UBE2B: variants seen among roughly 807,000 people sequenced by gnomAD.
The protein encoded by UBE2B is ubiquitin conjugating enzyme E2 B, also known as ubiquitin-conjugating enzyme E2 B.
A neutral mutation model predicts 24.6 loss-of-function variants in UBE2B; 11 were observed. That is an observed-to-expected ratio of 0.45 (90% CI 0.28 to 0.74). The LOEUF (loss-of-function observed/expected upper bound fraction) is 0.74, where lower values mean the gene tolerates loss of function less well. Among genes scored for constraint, UBE2B ranks in the 30% least tolerant of loss-of-function variants. The probability of loss-of-function intolerance (pLI) is 0.13; values close to 1 mark genes in which losing one functional copy is unlikely to be tolerated. For synonymous variants in UBE2B, 68 were observed against 62.4 expected (o/e 1.09, Z -0.42); for missense variants, 78 against 185.6 (o/e 0.42, Z 3.37).
At position 134,388,424 on chromosome 5, in the gene UBE2B, G is replaced by T; in HGVS notation, c.330+11G>T. The T allele has an allele frequency of 6.2e-7, 1 of 1,609,756 alleles. No homozygotes were observed. The highest frequency in any genetic ancestry group is 8.5e-7 in the Non-Finnish European group (1 of 1,176,046). ...TTAACATCAATTCAGGTAAGTGTGTGTTAGGATGTATTATAATTTGTCAGT... is the reference window on the plus strand; with the variant it reads ...TTAACATCAATTCAGGTAAGTGTGTTTTAGGATGTATTATAATTTGTCAGT... On this transcript the variant is annotated intron_variant, in intron 5 of 5. Transcript: ENST00000265339.
intron 1 of UBE2B, among the ~76,000 whole-genome samples, 164 bp from the exon 2 acceptor site, chr5:134,374,219 C>G (rs1402493415): frequency 6.6e-6 from 1 of 152,002 alleles, no homozygotes; most frequent in African/African-American, 2.4e-5. Context: ...GTATATATAC[C>G]TGGTTAATAT....
At chr5:134,374,596 G>GA (rs201082370) in intron 2 of UBE2B, 133 bp downstream of exon 2, 5,403 of 933,914 alleles carry the variant, frequency 5.8e-3, no homozygotes, top group Non-Finnish European at 6.7e-3. Flanking sequence ...AGATAAATTA[G>GA]AAAAAAAAAA....
intron 2 of UBE2B, among the ~76,000 whole-genome samples, chr5:134,376,364 T>TATATGTATAC (rs70976528): frequency 2.5e-5 from 2 of 79,504 alleles, no homozygotes; most frequent in African/African-American, 1.0e-4. Flanking sequence ...TATATATATA[T>TATATGTATAC]ACACATATGT....
At chr5:134,381,916 C>T (rs540364847) in intron 4 of UBE2B, among the ~76,000 whole-genome samples, 1 of 152,210 alleles carries the variant, frequency 6.6e-6, no homozygotes, top group South Asian at 2.1e-4. Context: ...TGCACTTCAG[C>T]CTGGGTGACA....
chr5:134,384,416 T>C (rs966078781), intron 4 of UBE2B, among the ~76,000 whole-genome samples: 1 of 152,160 alleles, frequency 6.6e-6, no homozygotes, highest in Non-Finnish European at 1.5e-5. Context: ...TTTGGGGAAG[T>C]TCCCAGGTCA....
chr5:134,389,766 C>T (rs987047756), intron 5 of UBE2B: 4 of 176,256 alleles, frequency 2.3e-5, no homozygotes, highest in East Asian at 3.0e-4. Flanking sequence ...AGGCTGGTCT[C>T]GAACTCCCTA....
intron 2 of UBE2B, 115 bp from the exon 3 acceptor site, chr5:134,376,554 C>T: frequency 8.8e-7 from 1 of 1,136,620 alleles, no homozygotes; most frequent in Non-Finnish European, 1.3e-6. Context: ...TAAAACTCCA[C>T]AAATCATCAG....
chr5:134,387,837 C>T (rs1283862856), intron 4 of UBE2B, among the ~76,000 whole-genome samples: 2 of 152,070 alleles, frequency 1.3e-5, no homozygotes, highest in Non-Finnish European at 2.9e-5. Flanking sequence ...GGTTCTTACC[C>T]TGTCATCCAG....
At chr5:134,372,183 C>T (rs911236796) in intron 1 of UBE2B, among the ~76,000 whole-genome samples, 2 of 152,210 alleles carry the variant, frequency 1.3e-5, no homozygotes, top group African/African-American at 4.8e-5. Context: ...CCCCCGAAAC[C>T]CGACTCTGTC....
intron 4 of UBE2B, among the ~76,000 whole-genome samples, chr5:134,381,060 G>A (rs762930315): frequency 2.9e-5 from 4 of 138,310 alleles, no homozygotes; most frequent in Non-Finnish European, 4.6e-5. Context: ...TCCGCCTCCC[G>A]GGTTCACGCC....
chr5:134,382,305 T>A (rs1027409867), intron 4 of UBE2B, among the ~76,000 whole-genome samples: 41 of 149,062 alleles, frequency 2.8e-4, no homozygotes, highest in Non-Finnish European at 5.1e-4. Context: ...ACAAAAAAAA[T>A]ATCAAGGCAT....
intron 3 of UBE2B, among the ~76,000 whole-genome samples, chr5:134,377,356 G>A (rs531231046): frequency 2.0e-5 from 3 of 152,234 alleles, no homozygotes; most frequent in Non-Finnish European, 2.9e-5. Flanking sequence ...ATATTTATCC[G>A]AGAATACTGA....
At chr5:134,374,516 G>A in intron 2 of UBE2B, 53 bp downstream of exon 2, 4 of 1,526,654 alleles carry the variant, frequency 2.6e-6, no homozygotes, top group South Asian at 1.2e-5. Context: ...TTTAAGAAAA[G>A]TAAACATATA....
At chr5:134,374,594 T>A in intron 2 of UBE2B, 131 bp downstream of exon 2, 34 of 1,028,694 alleles carry the variant, frequency 3.3e-5, no homozygotes, top group Admixed American at 2.8e-4. Context: ...CAAGATAAAT[T>A]AGAAAAAAAA....
At chr5:134,381,770 C>G (rs1444843432) in intron 4 of UBE2B, among the ~76,000 whole-genome samples, 1 of 152,012 alleles carries the variant, frequency 6.6e-6, no homozygotes, top group East Asian at 1.9e-4. Context: ...ATGGTGAAAC[C>G]CCATCACTAC....
chr5:134,391,387 T>C lies in UBE2B; in HGVS notation c.*1034T>C, dbSNP rs1758894417. The C allele has an allele frequency of 6.6e-6, 1 of 152,564 alleles. No homozygotes were observed. Among genetic ancestry groups the C allele is most frequent in the Non-Finnish European group, 1.5e-5 (1 of 68,006 alleles). The allele number at this position is 152,564 out of a possible 1,614,324, so 9.5% of individuals were successfully genotyped here. A position where few individuals can be genotyped will look rare whatever the true frequency, so the allele number is the denominator to read the frequency against. ...CTTCTTGTGGAGATTTTTTTTTTAA[T>C]CTCCTGAGTTGTATAAAAGTTGTAC... On this transcript the variant is annotated 3_prime_UTR_variant, in exon 6 of 6. Transcript: ENST00000265339.
chr5:134,376,791 G>A, intron 3 of UBE2B, 97 bp downstream of exon 3: 6 of 1,181,650 alleles, frequency 5.1e-6, no homozygotes, highest in Non-Finnish European at 6.0e-6. Flanking sequence ...ATTTTCTATG[G>A]TTAATAGGCC....
intron 4 of UBE2B, among the ~76,000 whole-genome samples, chr5:134,386,804 T>G (rs899990346): frequency 1.3e-5 from 2 of 152,126 alleles, no homozygotes; most frequent in African/African-American, 2.4e-5. Flanking sequence ...ATTAAAAACT[T>G]ATTTTTAAGG....
At chr5:134,388,742 A>C (rs1758848770) in intron 5 of UBE2B, among the ~76,000 whole-genome samples, 1 of 152,164 alleles carries the variant, frequency 6.6e-6, no homozygotes, top group African/African-American at 2.4e-5. Flanking sequence ...CATCCAAGAA[A>C]TTCTATTTTA....
Sources: allele counts gnomAD v4.1 joint callset (sites outside exome capture counted in the v4.1 genomes callset), GRCh38; gene constraint gnomAD v4.1.1; transcripts MANE v1.5; gene names NCBI Gene and HGNC (gene_info 2026-07-23, HGNC 2026-07-21).